Variants in TRIM29 observed in about 807,000 individuals in gnomAD.
TRIM29 encodes the protein tripartite motif-containing protein 29.
In TRIM29, 52 loss-of-function variants were observed where a neutral mutation model predicts 57.3. That is an observed-to-expected ratio of 0.91 (90% CI 0.73 to 1.14). The LOEUF (loss-of-function observed/expected upper bound fraction) is 1.14. Ranked by LOEUF, TRIM29 falls within the 50% of genes most tolerant of loss-of-function variation. The pLI is 0.00. For missense variants in TRIM29, 753 were observed against 774.6 expected (o/e 0.97, Z 0.33); for synonymous variants, 319 against 316.9 (o/e 1.01, Z -0.07).
chr11:120,114,850 T>C (rs1245121710), intron 8 of TRIM29, among the ~76,000 whole-genome samples: 2 of 152,132 alleles, frequency 1.3e-5, no homozygotes, highest in Non-Finnish European at 1.5e-5. Context: ...TCATTAGATA[T>C]TGACCCTAAA....
At chr11:120,124,688 T>A (rs1053824903) in intron 4 of TRIM29, 14 of 152,228 alleles carry the variant, frequency 9.2e-5, no homozygotes, top group African/African-American at 3.4e-4. Context: ...GAGTGCCGTT[T>A]GAAGCCAAAT....
chr11:120,115,448 A>G, intron 7 of TRIM29, 34 bp from the exon 8 acceptor site: 1 of 1,600,136 alleles, frequency 6.2e-7, no homozygotes, highest in Non-Finnish European at 8.5e-7. Flanking sequence ...CAAAGGGAGC[A>G]GCGCTGGTGG....
At chr11:120,127,811 T>C (rs1351900766) in intron 2 of TRIM29, among the ~76,000 whole-genome samples, 1 of 152,136 alleles carries the variant, frequency 6.6e-6, no homozygotes, top group East Asian at 1.9e-4. Context: ...CTCCTTCCTC[T>C]TGGTGGGTTG....
intron 8 of TRIM29, 117 bp from the exon 9 acceptor site, chr11:120,112,593 A>G: frequency 1.8e-6 from 2 of 1,114,182 alleles, no homozygotes; most frequent in Non-Finnish European, 2.7e-6. Flanking sequence ...CGACAATTCT[A>G]GGGGCCTTTT....
chr11:120,117,218 G>A (rs1001439619), intron 7 of TRIM29: 6 of 204,326 alleles, frequency 2.9e-5, no homozygotes, highest in Non-Finnish European at 4.0e-5. Flanking sequence ...GCAGAAAGGC[G>A]CCTGCTAGAA....
intron 5 of TRIM29, among the ~76,000 whole-genome samples, chr11:120,122,599 G>A (rs1408000652): frequency 1.3e-5 from 2 of 152,174 alleles, no homozygotes; most frequent in African/African-American, 2.4e-5. Context: ...ACACAGCACC[G>A]GCCTGGCAGA....
chr11:120,123,025 G>A lies in TRIM29; in HGVS notation c.1364C>T (p.Thr455Met), dbSNP rs766780038. ...GGDHRYVNNY[T>M]NSFGGEWSAP... ...ACTCCACTCACCCCCGAAGCTGTTC[G>A]TGTAGTTGTTCACATAGCGATGGTC... is the stretch of plus-strand genomic sequence containing the variant. Residue 455 changes from threonine (T) to methionine (M), a missense_variant, in exon 5 of 9, where the codon ACG becomes ATG. Physicochemically the swap from Thr to Met is moderately conservative, Grantham distance 81. Transcript: ENST00000341846. 2.7e-5 allele frequency: 43 copies of A among 1,614,004 alleles called. No homozygotes were observed. The African/African-American group carries it at 2.7e-4, about 10-fold the overall frequency.
intron 1 of TRIM29, among the ~76,000 whole-genome samples, chr11:120,133,719 T>TGCCCATGCCCAGCAGCC (rs1266418360): frequency 5.3e-5 from 8 of 152,352 alleles, no homozygotes; most frequent in Non-Finnish European, 1.2e-4. Context: ...GACCAGCGGC[T>TGCCCATGCCCAGCAGCC]GCCCATGCCC....
intron 5 of TRIM29, chr11:120,120,886 A>G (rs1863427315): frequency 1.5e-6 from 1 of 647,462 alleles, no homozygotes; most frequent in South Asian, 1.5e-5. Flanking sequence ...GCATCAGCAT[A>G]AACTTGGAGA....
intron 7 of TRIM29, 24 bp from the exon 8 acceptor site, chr11:120,115,438 C>G: frequency 6.2e-7 from 1 of 1,608,918 alleles, no homozygotes; most frequent in Non-Finnish European, 8.5e-7. Context: ...AGATTCAGGT[C>G]AAAGGGAGCA....
At chr11:120,123,420 G>C (rs1294152648) in intron 4 of TRIM29, 1 of 472,028 alleles carries the variant, frequency 2.1e-6, no homozygotes, top group South Asian at 1.5e-5. Context: ...AGGAAATTGA[G>C]ACTCAGGAAG....
At chr11:120,119,568 G>C (rs1306065900) in intron 6 of TRIM29, among the ~76,000 whole-genome samples, 1 of 152,186 alleles carries the variant, frequency 6.6e-6, no homozygotes, top group Non-Finnish European at 1.5e-5. Flanking sequence ...CTACTTTTGA[G>C]CTCTGGGCCT....
chr11:120,119,987 C>T (rs967153248), intron 6 of TRIM29, among the ~76,000 whole-genome samples: 3 of 152,152 alleles, frequency 2.0e-5, no homozygotes, highest in Admixed American at 1.3e-4. Context: ...CCATTTCATC[C>T]CATCTGGGTC....
chr11:120,133,628 C>G (rs976878554), intron 1 of TRIM29, among the ~76,000 whole-genome samples: 4 of 152,256 alleles, frequency 2.6e-5, no homozygotes, highest in Non-Finnish European at 5.9e-5. Context: ...CCCTCCAGGG[C>G]ACCCTGGCCT....
intron 1 of TRIM29, among the ~76,000 whole-genome samples, chr11:120,136,837 G>C (rs573565543): frequency 1.2e-4 from 18 of 152,160 alleles, no homozygotes; most frequent in Non-Finnish European, 2.4e-4. Context: ...AGAAGAGGAA[G>C]AGGGAGAAGG....
intron 4 of TRIM29, chr11:120,125,368 G>A (rs1863559357): frequency 3.0e-6 from 1 of 333,052 alleles, no homozygotes; most frequent in Non-Finnish European, 5.6e-6. Context: ...GGCTGGGCCC[G>A]GCAATTAGAT....
Position 120,125,859 on chromosome 11 carries a change from G to T in TRIM29, c.1165C>A (p.Leu389Ile), listed in dbSNP as rs749433997. The change falls in exon 4 of 9, where the codon CTC becomes ATC. Residue 389 changes from leucine to isoleucine, a missense_variant. Physicochemically the swap from Leu to Ile is conservative, Grantham distance 5. Transcript: ENST00000341846. ...TGATAGGTGGGCAGGGGTGGGGGGA[G>T]AGAGTAATTGCTCATCAATGCACCA... is the stretch of plus-strand genomic sequence containing the variant. ...EFGALMSNYSLPPPLPTYHVL... is the reference protein window; with the variant it reads ...EFGALMSNYSIPPPLPTYHVL... 6.2e-7 allele frequency: 1 copy of T among 1,614,030 alleles called. No individual in the cohort carries two copies. Among genetic ancestry groups the T allele is most frequent in the Non-Finnish European group, 8.5e-7 (1 of 1,179,930 alleles).
intron 6 of TRIM29, among the ~76,000 whole-genome samples, chr11:120,120,175 G>T (rs866407234): frequency 3.3e-5 from 4 of 120,064 alleles, no homozygotes; most frequent in African/African-American, 8.9e-5. Flanking sequence ...ATACTTGTGG[G>T]GGGGGTGGCG....
chr11:120,128,899 C>A, intron 1 of TRIM29: 7 of 1,435,750 alleles, frequency 4.9e-6, no homozygotes, highest in Non-Finnish European at 6.4e-6. Flanking sequence ...CCCAGCCCAG[C>A]CCAGGGAGTG....
Sources: allele counts gnomAD v4.1 joint callset (sites outside exome capture counted in the v4.1 genomes callset), GRCh38; gene constraint gnomAD v4.1.1; transcripts MANE v1.5; gene names NCBI Gene and HGNC (gene_info 2026-07-23, HGNC 2026-07-21).